NRG3: variants seen among roughly 807,000 people sequenced by gnomAD.
The protein encoded by NRG3 is pro-neuregulin-3, membrane-bound isoform.
In NRG3, 31 loss-of-function variants were observed where a neutral mutation model predicts 66.9. The ratio of observed to expected loss-of-function variants is 0.46; its 90% CI spans 0.35 to 0.63. The LOEUF is 0.63. Among genes scored for constraint, NRG3 ranks in the 20% least tolerant of loss-of-function variants. The probability of loss-of-function intolerance (pLI) is 0.00; values close to 1 mark genes in which losing one functional copy is unlikely to be tolerated. For synonymous variants in NRG3, 393 were observed against 359.4 expected, an observed-to-expected ratio of 1.09 and a Z score of -1.06; for missense variants, 910 against 878.9, an observed-to-expected ratio of 1.04 and a Z score of -0.45.
At chr10:82,183,844 AG>A (rs1387838952) in intron 1 of NRG3, among the ~76,000 whole-genome samples, 10 of 152,096 alleles carry the variant, frequency 6.6e-5, no homozygotes, top group African/African-American at 2.4e-4. Context: ...TCTGGCTTAA[AG>A]ATGGGAGTTG....
At chr10:82,365,513 C>T (rs572458913) in intron 2 of NRG3, among the ~76,000 whole-genome samples, 46 of 152,318 alleles carry the variant, frequency 3.0e-4, no homozygotes, top group African/African-American at 1.0e-3. Flanking sequence ...TATAATTATT[C>T]TTCCTCTCTG....
At chr10:82,923,306 C>T (rs1354570831) in intron 4 of NRG3, among the ~76,000 whole-genome samples, 4 of 152,234 alleles carry the variant, frequency 2.6e-5, no homozygotes, top group Non-Finnish European at 4.4e-5. Flanking sequence ...CATCTTTCAT[C>T]CTCCACCTAA....
chr10:82,708,191 T>C (rs1424035756), intron 2 of NRG3, among the ~76,000 whole-genome samples: 1 of 152,192 alleles, frequency 6.6e-6, no homozygotes, highest in Admixed American at 6.5e-5. Context: ...GGGATTACTG[T>C]GAAGCATATG....
intron 2 of NRG3, among the ~76,000 whole-genome samples, chr10:82,592,472 G>A (rs1202779980): frequency 6.6e-6 from 1 of 152,188 alleles, no homozygotes; most frequent in East Asian, 1.9e-4. Flanking sequence ...AATATGGTTT[G>A]CCTTGTGCAT....
chr10:82,913,109 C>A (rs1845489128), intron 4 of NRG3, among the ~76,000 whole-genome samples: 1 of 152,114 alleles, frequency 6.6e-6, no homozygotes, highest in East Asian at 1.9e-4. Flanking sequence ...CCTGTAGTCC[C>A]AGCTACTCTG....
chr10:82,670,548 C>G (rs534822482), intron 2 of NRG3, among the ~76,000 whole-genome samples: 1 of 152,138 alleles, frequency 6.6e-6, no homozygotes, highest in African/African-American at 2.4e-5. Flanking sequence ...GGAAGATTCT[C>G]TCATGACCAC....
At chr10:82,198,720 C>A (rs182249731) in intron 1 of NRG3, among the ~76,000 whole-genome samples, 1 of 152,064 alleles carries the variant, frequency 6.6e-6, no homozygotes, top group South Asian at 2.1e-4. Context: ...CTTAAGGGGC[C>A]GGGCACGGTG....
intron 4 of NRG3, among the ~76,000 whole-genome samples, chr10:82,868,850 G>A (rs917163669): frequency 2.0e-5 from 3 of 151,884 alleles, no homozygotes; most frequent in African/African-American, 4.8e-5. Flanking sequence ...CTGCCACCAC[G>A]CTCAACTAAT....
intron 8 of NRG3, among the ~76,000 whole-genome samples, chr10:82,980,050 A>T (rs980937701): frequency 6.6e-6 from 1 of 151,812 alleles, no homozygotes. Flanking sequence ...ACAAAAATAC[A>T]AAAAATTAGC....
chr10:81,943,489 G>A (rs745712423), intron 1 of NRG3, among the ~76,000 whole-genome samples: 5 of 152,040 alleles, frequency 3.3e-5, no homozygotes, highest in Non-Finnish European at 5.9e-5. Context: ...TCCAATTTCC[G>A]ACTAAAATGG....
intron 1 of NRG3, among the ~76,000 whole-genome samples, chr10:82,231,496 A>G (rs1302171056): frequency 1.3e-5 from 2 of 152,212 alleles, no homozygotes; most frequent in Admixed American, 1.3e-4. Context: ...AAAACCTAGT[A>G]TTATCATGAG....
chr10:82,842,627 C>T (rs1437831961), intron 3 of NRG3, among the ~76,000 whole-genome samples: 2 of 152,264 alleles, frequency 1.3e-5, no homozygotes, highest in Non-Finnish European at 1.5e-5. Flanking sequence ...TAGAATAGCT[C>T]ATACAGTAGT....
At chr10:82,454,465 A>T (rs2091180412) in intron 2 of NRG3, among the ~76,000 whole-genome samples, 1 of 152,234 alleles carries the variant, frequency 6.6e-6, no homozygotes, top group Admixed American at 6.5e-5. Context: ...AAATAAAAAA[A>T]TGCCAAAATA....
intron 2 of NRG3, among the ~76,000 whole-genome samples, chr10:82,684,409 A>G (rs769749902): frequency 3.9e-5 from 6 of 152,194 alleles, no homozygotes; most frequent in Non-Finnish European, 7.3e-5. Context: ...AAATACGTAT[A>G]ATGCTAGTTG....
At chr10:81,957,484 C>A (rs1289036183) in intron 1 of NRG3, among the ~76,000 whole-genome samples, 2 of 152,170 alleles carry the variant, frequency 1.3e-5, no homozygotes, top group African/African-American at 2.4e-5. Context: ...TGTCATACTA[C>A]CCTGCTTTAT....
chr10:82,784,184 T>G (rs1811294027), intron 3 of NRG3, among the ~76,000 whole-genome samples: 1 of 152,136 alleles, frequency 6.6e-6, no homozygotes, highest in African/African-American at 2.4e-5. Context: ...GATCCCTTTC[T>G]TACACCTTAT....
chr10:82,844,320 T>C (rs951530008), intron 3 of NRG3, among the ~76,000 whole-genome samples: 1 of 152,222 alleles, frequency 6.6e-6, no homozygotes, highest in Non-Finnish European at 1.5e-5. Context: ...CTGCACTCTC[T>C]ATTAATCCAA....
intron 2 of NRG3, among the ~76,000 whole-genome samples, chr10:82,634,031 A>G (rs1245992895): frequency 6.6e-6 from 1 of 152,212 alleles, no homozygotes; most frequent in Non-Finnish European, 1.5e-5. Flanking sequence ...GAACTTGGGC[A>G]TATAGAGATT....
intron 2 of NRG3, among the ~76,000 whole-genome samples, chr10:82,438,428 C>T (rs1244177461): frequency 6.6e-6 from 1 of 152,200 alleles, no homozygotes; most frequent in African/African-American, 2.4e-5. Context: ...CAGCCTGGAG[C>T]TGTAGAAATG....
Sources: allele counts gnomAD v4.1 joint callset (sites outside exome capture counted in the v4.1 genomes callset), GRCh38; gene constraint gnomAD v4.1.1; transcripts MANE v1.5; gene names NCBI Gene and HGNC (gene_info 2026-07-23, HGNC 2026-07-21).